MRPL18: variants seen among roughly 807,000 people sequenced by gnomAD.
MRPL18 encodes mitochondrial ribosomal protein L18, also known as large ribosomal subunit protein uL18m.
A neutral mutation model predicts 20.9 loss-of-function variants in MRPL18; 16 were observed. The observed-to-expected ratio is 0.76, with a 90% CI of 0.52 to 1.16. The LOEUF (loss-of-function observed/expected upper bound fraction) is 1.16, where lower values mean the gene tolerates loss of function less well. MRPL18 is among the 50% of genes most tolerant of loss of function. The pLI is 0.00. For missense variants in MRPL18, 233 were observed against 230.6 expected, an observed-to-expected ratio of 1.01 and a Z score of -0.07; for synonymous variants, 91 against 87.1, an observed-to-expected ratio of 1.04 and a Z score of -0.25.
intron 2 of MRPL18, among the ~76,000 whole-genome samples, chr6:159,791,750 T>C (rs1406756998): frequency 1.3e-5 from 2 of 152,050 alleles, no homozygotes; most frequent in Non-Finnish European, 2.9e-5. Context: ...ACTAAAAATA[T>C]AAAAATTAGA....
chr6:159,790,856 A>T (rs1406457508), intron 1 of MRPL18, 84 bp from the exon 2 acceptor site: 2 of 1,533,102 alleles, frequency 1.3e-6, no homozygotes, highest in East Asian at 4.6e-5. Context: ...TTGGGGGTGT[A>T]AAAGCGGATA....
chr6:159,791,886 CAAAA>C (rs59145481), intron 2 of MRPL18, among the ~76,000 whole-genome samples: 1 of 132,268 alleles, frequency 7.6e-6, no homozygotes, highest in Admixed American at 7.6e-5. Flanking sequence ...AATTCTGTCT[CAAAA>C]AAAAAAAAAT....
chr6:159,790,765 C>A (rs1780859827), intron 1 of MRPL18, 126 bp downstream of exon 1: 12 of 1,427,886 alleles, frequency 8.4e-6, no homozygotes, highest in Non-Finnish European at 1.2e-5. Context: ...CTGCGAAGAC[C>A]ACAGTAGGAA....
At chr6:159,790,389 A>T (rs2273826), upstream of MRPL18, 32 of 668,582 alleles carry the variant, frequency 4.8e-5, no homozygotes, top group Middle Eastern at 4.1e-4. Flanking sequence ...ATGATTGGCG[A>T]TGAAGGATAA....
chr6:159,794,646 T>C (rs1562489947), intron 2 of MRPL18, among the ~76,000 whole-genome samples: 1 of 152,216 alleles, frequency 6.6e-6, no homozygotes, highest in African/African-American at 2.4e-5. Flanking sequence ...ATTTTGTTAG[T>C]GAGATTGAGC....
Position 159,798,137 on chromosome 6 carries a change from T to C in MRPL18, c.*14T>C. On this transcript the variant is annotated 3_prime_UTR_variant, in exon 4 of 4. Coordinates refer to ENST00000367034, the MANE Select transcript of MRPL18 (RefSeq NM_014161.5). ...ATCTATGAATAAATGGAAGCATTAATTGTTTTGAACATGTAAATATAAATC... is the reference window on the plus strand; with the variant it reads ...ATCTATGAATAAATGGAAGCATTAACTGTTTTGAACATGTAAATATAAATC... 6.2e-7 allele frequency: 1 copy of C among 1,602,526 alleles called. No individual in the cohort carries two copies. Among genetic ancestry groups the C allele is most frequent in the Non-Finnish European group, 8.5e-7 (1 of 1,170,144 alleles).
chr6:159,790,528 C>A lies in MRPL18; in HGVS notation c.-60C>A. 1 of 1,610,014 alleles carries A rather than the reference C, an allele frequency of 6.2e-7. No individual in the cohort carries two copies. Among genetic ancestry groups the A allele is most frequent in the East Asian group, 2.2e-5 (1 of 44,852 alleles). ...CCTGACTTTATATGGCTGCTCCTGG[C>A]GAGCGACTGAGTCGTCCGTGAGGAA... On this transcript the variant is annotated 5_prime_UTR_variant, in exon 1 of 4. Transcript: ENST00000367034.
chr6:159,790,262 A>G (rs1386596837), upstream of MRPL18, among the ~76,000 whole-genome samples: 1 of 152,096 alleles, frequency 6.6e-6, no homozygotes, highest in Non-Finnish European at 1.5e-5. Flanking sequence ...GAAAACCCAA[A>G]CATGGTTTTG....
intron 2 of MRPL18, among the ~76,000 whole-genome samples, chr6:159,794,552 A>G (rs1237433035): frequency 1.3e-5 from 2 of 152,338 alleles, no homozygotes; most frequent in East Asian, 1.9e-4. Context: ...ATGGAATACT[A>G]TTGCATGGAT....
rs879159545 is a variant in MRPL18 at position 159,798,382 on chromosome 6, CAG to C, written c.*261_*262del. The C allele has an allele frequency of 1.8e-5, 7 of 388,870 alleles. No individual in the cohort carries two copies. The South Asian group carries it at 2.2e-4, about 12-fold the overall frequency. 24.1% of individuals were successfully genotyped at this position (388,870 alleles called of 1,614,324 possible). On this transcript the variant is annotated 3_prime_UTR_variant, in exon 4 of 4. Transcript: ENST00000367034. Reference sequence around the variant, plus strand: ...TATAATTAACTTTCAAAGGGCAAGTCAGAAGTTGTTTATAAATTACAAAATAA... The same window carrying C: ...TATAATTAACTTTCAAAGGGCAAGTCAAGTTGTTTATAAATTACAAAATAA...
chr6:159,795,397 G>A (rs1562490263), intron 2 of MRPL18, among the ~76,000 whole-genome samples: 1 of 152,224 alleles, frequency 6.6e-6, no homozygotes, highest in South Asian at 2.1e-4. Context: ...AGGTCCCTGC[G>A]GCCTTCCGCA....
At chr6:159,792,197 C>T (rs186246182) in intron 2 of MRPL18, among the ~76,000 whole-genome samples, 2 of 152,120 alleles carry the variant, frequency 1.3e-5, no homozygotes, top group African/African-American at 4.8e-5. Flanking sequence ...TAACTGACCT[C>T]AGAGCCAGGA....
chr6:159,791,185 A>C, intron 2 of MRPL18, 59 bp downstream of exon 2: 1 of 1,580,894 alleles, frequency 6.3e-7, no homozygotes. Flanking sequence ...ATTTTCATTC[A>C]TTCAACTCCA....
chr6:159,796,921 T>C (rs1390885291), intron 2 of MRPL18, among the ~76,000 whole-genome samples: 1 of 152,242 alleles, frequency 6.6e-6, no homozygotes, highest in Admixed American at 6.5e-5. Flanking sequence ...TGTTCCGTCT[T>C]ATATTTATTT....
Position 159,790,950 on chromosome 6 carries a change from C to A in MRPL18, c.63C>A (p.Phe21Leu). 6.2e-7 allele frequency: 1 copy of A among 1,614,096 alleles called. No homozygotes were observed. The highest frequency in any genetic ancestry group is 1.1e-5 in the South Asian group (1 of 91,078). Residue 21 changes from phenylalanine to leucine, a missense_variant, in exon 2 of 4, where the codon TTC becomes TTA. Transcript: ENST00000367034. ...FSVCRNPGCRFAALSTSSEPA... is the reference protein window; with the variant it reads ...FSVCRNPGCRLAALSTSSEPA... Reference sequence around the variant, plus strand: ...TTTCCCGTTGCCCAGGGTGCAGGTTCGCAGCCCTGTCAACCAGCTCCGAGC... The same window carrying A: ...TTTCCCGTTGCCCAGGGTGCAGGTTAGCAGCCCTGTCAACCAGCTCCGAGC...
Position 159,798,245 on chromosome 6 carries a change from ATAT to A in MRPL18, c.*127_*129del. The A allele has an allele frequency of 5.4e-6, 4 of 741,840 alleles. No individual in the cohort carries two copies. The highest frequency in any genetic ancestry group is 3.0e-5 in the Admixed American group (1 of 33,070). 46.0% of individuals were successfully genotyped at this position (741,840 alleles called of 1,614,324 possible). A position where few individuals can be genotyped will look rare whatever the true frequency, so the allele number is the denominator to read the frequency against. On this transcript the variant is annotated 3_prime_UTR_variant, in exon 4 of 4. Transcript: ENST00000367034. ...TTTACAGCAATAATGTTGCAGTGGA[ATAT>A]TATTTGTAGTTAAGGTCATCCTCCT...
At chr6:159,793,767 C>T (rs143400692) in intron 2 of MRPL18, among the ~76,000 whole-genome samples, 25 of 152,180 alleles carry the variant, frequency 1.6e-4, no homozygotes, top group African/African-American at 6.0e-4. Flanking sequence ...AAAAAATTAG[C>T]CAGGCGTGGT....
intron 2 of MRPL18, among the ~76,000 whole-genome samples, chr6:159,795,257 ATCC>A (rs1392428348): frequency 1.3e-5 from 2 of 152,084 alleles, no homozygotes; most frequent in African/African-American, 2.4e-5. Context: ...TCTTATACTA[ATCC>A]TCCTCAGCAC....
Position 159,790,513 on chromosome 6 carries a change from TATGGCTGCTCC to T in MRPL18, c.-74_-64del. The T allele has an allele frequency of 6.2e-7, 1 of 1,603,540 alleles. No homozygotes were observed. Among genetic ancestry groups the T allele is most frequent in the East Asian group, 2.2e-5 (1 of 44,838 alleles). ...AGCCAAAGGCTTGTCCCTGACTTTA[TATGGCTGCTCC>T]TGGCGAGCGACTGAGTCGTCCGTGA... On this transcript the variant is annotated 5_prime_UTR_variant, in exon 1 of 4. An upstream start codon of the reference 5' UTR is lost. Transcript: ENST00000367034.
Sources: allele counts gnomAD v4.1 joint callset (sites outside exome capture counted in the v4.1 genomes callset), GRCh38; gene constraint gnomAD v4.1.1; transcripts MANE v1.5; gene names NCBI Gene and HGNC (gene_info 2026-07-23, HGNC 2026-07-21).